Variants in HPSE2 observed in about 807,000 individuals in gnomAD.
HPSE2 encodes the protein heparanase 2 (inactive).
HPSE2 carries 38 observed loss-of-function variants against 60.5 expected under a neutral mutation model. The observed-to-expected ratio is 0.63, with a 90% CI of 0.48 to 0.82. HPSE2 has a LOEUF of 0.82. Among genes scored for constraint, HPSE2 ranks in the 40% least tolerant of loss-of-function variants. HPSE2 has a pLI of 0.00. For missense variants in HPSE2, 713 were observed against 740.4 expected (o/e 0.96, Z 0.43); for synonymous variants, 295 against 293.2 (o/e 1.01, Z -0.06).
At chr10:99,144,111 G>A (rs1052150275) in intron 3 of HPSE2, 127 bp downstream of exon 3, 1 of 944,518 alleles carries the variant, frequency 1.1e-6, no homozygotes. Flanking sequence ...AGGAATATTT[G>A]TAATAGAAAG....
chr10:99,082,454 T>C (rs1424870187), intron 3 of HPSE2, among the ~76,000 whole-genome samples: 2 of 152,202 alleles, frequency 1.3e-5, no homozygotes, highest in Non-Finnish European at 2.9e-5. Flanking sequence ...CGTTGGACAA[T>C]CTGTCTGTTG....
chr10:99,186,104 C>A (rs374737146), intron 2 of HPSE2, among the ~76,000 whole-genome samples: 3 of 80,694 alleles, frequency 3.7e-5, no homozygotes, highest in Non-Finnish European at 8.6e-5. Flanking sequence ...GGATAAATAA[C>A]CACACACACA....
At chr10:98,675,946 G>C (rs958419211) in intron 6 of HPSE2, among the ~76,000 whole-genome samples, 2 of 152,006 alleles carry the variant, frequency 1.3e-5, no homozygotes, top group African/African-American at 2.4e-5. Flanking sequence ...TAGAGGCTGA[G>C]GGGGGAGGTT....
At chr10:98,889,408 T>C (rs1953270062) in intron 3 of HPSE2, among the ~76,000 whole-genome samples, 1 of 151,442 alleles carries the variant, frequency 6.6e-6, no homozygotes, top group Non-Finnish European at 1.5e-5. Flanking sequence ...AGTCTTGCCA[T>C]TGTTGCCCAG....
At chr10:99,163,027 G>T (rs1846907272) in intron 2 of HPSE2, among the ~76,000 whole-genome samples, 1 of 152,034 alleles carries the variant, frequency 6.6e-6, no homozygotes, top group Non-Finnish European at 1.5e-5. Flanking sequence ...GGCTAACACG[G>T]TGAAACTCTG....
At chr10:98,487,421 A>T (rs569477741) in intron 10 of HPSE2, among the ~76,000 whole-genome samples, 39 of 152,338 alleles carry the variant, frequency 2.6e-4, no homozygotes, top group Non-Finnish European at 4.6e-4. Flanking sequence ...GGGAGATGTG[A>T]AATGGATTCC....
chr10:98,882,867 A>T (rs1267676696), intron 3 of HPSE2, among the ~76,000 whole-genome samples: 2 of 152,174 alleles, frequency 1.3e-5, no homozygotes, highest in African/African-American at 2.4e-5. Context: ...TCCCTATTAC[A>T]GTTTGGGGAA....
At chr10:99,312,369 C>T in the HPSE2 span, among the ~76,000 whole-genome samples, 274 of 152,344 alleles carry the variant, frequency 1.8e-3, 3 homozygotes, top group African/African-American at 6.3e-3. Flanking sequence ...AGGGTTAATA[C>T]AGCCGGCGAC....
At chr10:99,295,179 G>A in the HPSE2 span, among the ~76,000 whole-genome samples, 3 of 151,916 alleles carry the variant, frequency 2.0e-5, no homozygotes, top group African/African-American at 7.2e-5. Flanking sequence ...GTTTTCATGT[G>A]TTGACTCATT....
intron 1 of HPSE2, 100 bp from the exon 2 acceptor site, chr10:99,232,605 G>T: frequency 7.4e-7 from 1 of 1,344,442 alleles, no homozygotes; most frequent in Non-Finnish European, 1.0e-6. Context: ...AGGGCGACCT[G>T]GCCGGGGCTA....
At position 98,935,761 on chromosome 10, in the gene HPSE2, G is replaced by A. The variant is rs1402382129; in HGVS notation, c.611-191705C>T. On this transcript the variant is annotated intron_variant, in intron 3 of 11. Coordinates refer to ENST00000370552, the MANE Select transcript of HPSE2 (RefSeq NM_021828.5). ...AGGTCTCACCCAGACAGAAGGCATG[G>A]GGTCAGGGACCCTCCTGAGGAGGCA... 1.4e-5 allele frequency among the ~76,000 whole-genome samples: 2 copies of A among 144,928 alleles called. 1 individual carries two copies. The highest frequency in any genetic ancestry group is 3.0e-5 in the Non-Finnish European group (2 of 67,294).
chr10:98,733,645 T>C (rs1949281287), intron 4 of HPSE2, among the ~76,000 whole-genome samples: 1 of 152,198 alleles, frequency 6.6e-6, no homozygotes. Context: ...GCACTTTATT[T>C]AGTATTTTGA....
intron 9 of HPSE2, among the ~76,000 whole-genome samples, chr10:98,526,712 G>A (rs1942977646): frequency 6.6e-6 from 1 of 152,186 alleles, no homozygotes; most frequent in Non-Finnish European, 1.5e-5. Flanking sequence ...TACATGCAGG[G>A]TAGAGGCCTG....
At chr10:99,123,455 T>C (rs954097173) in intron 3 of HPSE2, among the ~76,000 whole-genome samples, 9 of 152,176 alleles carry the variant, frequency 5.9e-5, no homozygotes, top group Non-Finnish European at 1.3e-4. Context: ...CCTGCTAGAC[T>C]AAAAAAGATT....
intron 5 of HPSE2, among the ~76,000 whole-genome samples, chr10:98,698,853 C>G (rs1404615324): frequency 2.0e-5 from 3 of 152,362 alleles, no homozygotes; most frequent in Middle Eastern, 3.4e-3. Flanking sequence ...TCAGAGACTA[C>G]TACAAACACC....
intron 3 of HPSE2, among the ~76,000 whole-genome samples, chr10:98,760,280 G>A (rs891650141): frequency 6.6e-6 from 1 of 151,734 alleles, no homozygotes; most frequent in East Asian, 1.9e-4. Context: ...TTTAGCCTTG[G>A]CAGGTTTCAT....
chr10:99,081,729 C>T (rs1441485270), intron 3 of HPSE2, among the ~76,000 whole-genome samples: 11 of 152,082 alleles, frequency 7.2e-5, no homozygotes, highest in East Asian at 5.8e-4. Flanking sequence ...CTCCGCCTCC[C>T]GGGTTCACGC....
the HPSE2 span, among the ~76,000 whole-genome samples, chr10:99,289,629 G>A: frequency 6.6e-6 from 1 of 152,254 alleles, no homozygotes; most frequent in South Asian, 2.1e-4. Flanking sequence ...TCCAATCACA[G>A]ATGACTAGTT....
chr10:98,768,023 G>A (rs1048999463), intron 3 of HPSE2, among the ~76,000 whole-genome samples: 1 of 151,196 alleles, frequency 6.6e-6, no homozygotes, highest in South Asian at 2.1e-4. Context: ...AAAACAAAGG[G>A]AAATGTAAAT....
Sources: gnomAD v4.1 joint callset for allele counts (sites outside exome capture counted in the v4.1 genomes callset) on GRCh38, gnomAD v4.1.1 for gene constraint, MANE v1.5 for transcripts, NCBI Gene and HGNC (gene_info 2026-07-23, HGNC 2026-07-21) for gene names.